The following GABRG3 variants were observed in gnomAD, a reference collection of about 807,000 sequenced individuals.
GABRG3 encodes the protein gamma-aminobutyric acid receptor subunit gamma-3.
GABRG3 carries 25 observed loss-of-function variants against 48.8 expected under a neutral mutation model. The ratio of observed to expected loss-of-function variants is 0.51; its 90% CI spans 0.37 to 0.72. The LOEUF (loss-of-function observed/expected upper bound fraction) is 0.72, where lower values mean the gene tolerates loss of function less well. Ranked by LOEUF, GABRG3 falls within the 30% of genes least tolerant of loss-of-function variation. The pLI, the probability that GABRG3 is intolerant of heterozygous loss-of-function variation, is 0.00. For synonymous variants in GABRG3, 227 were observed against 217.6 expected, an observed-to-expected ratio of 1.04 and a Z score of -0.38; for missense variants, 394 against 577.9, an observed-to-expected ratio of 0.68 and a Z score of 3.26.
intron 3 of GABRG3, among the ~76,000 whole-genome samples, chr15:27,215,194 G>A (rs542022042): frequency 6.6e-6 from 1 of 152,338 alleles, no homozygotes; most frequent in East Asian, 1.9e-4. Context: ...GCAGGGGGAA[G>A]TGAGAACTCT....
intron 5 of GABRG3, among the ~76,000 whole-genome samples, chr15:27,330,015 G>A (rs1893751383): frequency 6.6e-6 from 1 of 152,162 alleles, no homozygotes; most frequent in Admixed American, 6.5e-5. Flanking sequence ...GCCGAGGTGG[G>A]TGGATCCTGA....
intron 3 of GABRG3, among the ~76,000 whole-genome samples, chr15:27,308,818 A>C (rs1325789640): frequency 6.7e-6 from 1 of 150,188 alleles, no homozygotes; most frequent in East Asian, 2.1e-4. Flanking sequence ...AAACACATAT[A>C]GTGTAAACAT....
chr15:27,355,802 A>G (rs1894817412), intron 5 of GABRG3, among the ~76,000 whole-genome samples: 1 of 152,222 alleles, frequency 6.6e-6, no homozygotes, highest in African/African-American at 2.4e-5. Flanking sequence ...AATGGAAGGA[A>G]ATTCAAACAG....
In GABRG3 at chr15:27,432,431, G is replaced by A. The variant is rs942786350; in HGVS notation, c.575-48219G>A. On this transcript the variant is annotated intron_variant, in intron 5 of 9. Coordinates refer to ENST00000615808, the MANE Select transcript of GABRG3 (RefSeq NM_033223.5). ...CTGTCTTTTACATTTGCCCCTCAGA[G>A]AGCCTTTGGTGCTCTTTATTTCTCT... is the stretch of plus-strand genomic sequence containing the variant. Among the ~76,000 whole-genome samples, 17 of 152,148 alleles carry A rather than the reference G, an allele frequency of 1.1e-4. No homozygotes were observed. The East Asian group carries it at 3.1e-3, about 28-fold the overall frequency.
At position 27,352,325 on chromosome 15, in the gene GABRG3, C is replaced by A. The variant is rs1894648604; in HGVS notation, c.574+23437C>A. On this transcript the variant is annotated intron_variant, in intron 5 of 9. Transcript: ENST00000615808. The surrounding 1 kb of genome is among the most constrained non-coding windows in gnomAD (Gnocchi z 4.0). ...AGAGGAAGAGGACCCAGGGAGAGCA[C>A]GATTATCCCCCGCACACTTCAAGGG... Among the ~76,000 whole-genome samples, 1 of 151,896 alleles carries A rather than the reference C, an allele frequency of 6.6e-6. No individual in the cohort carries two copies. Among genetic ancestry groups the A allele is most frequent in the Admixed American group, 6.6e-5 (1 of 15,250 alleles).
At chr15:27,304,239 AG>A (rs764831162) in intron 3 of GABRG3, among the ~76,000 whole-genome samples, 2 of 151,926 alleles carry the variant, frequency 1.3e-5, no homozygotes, top group Non-Finnish European at 2.9e-5. Context: ...GAAAATAAAA[AG>A]TGTACAAATT....
chr15:27,181,419 T>C (rs946072409), intron 3 of GABRG3, among the ~76,000 whole-genome samples: 4 of 152,184 alleles, frequency 2.6e-5, no homozygotes, highest in African/African-American at 7.2e-5. Flanking sequence ...CTAATACAAA[T>C]GGCTGCGGAT....
intron 3 of GABRG3, among the ~76,000 whole-genome samples, chr15:27,215,662 G>A (rs1412136548): frequency 6.6e-6 from 1 of 152,196 alleles, no homozygotes; most frequent in Non-Finnish European, 1.5e-5. Context: ...GAGGCTTGAA[G>A]TCCATTTCTC....
chr15:27,169,654 T>C lies in GABRG3; in HGVS notation c.270+142833T>C, dbSNP rs374319599. Among the ~76,000 whole-genome samples, 44 of 152,180 alleles carry C rather than the reference T, an allele frequency of 2.9e-4. 1 individual carries two copies. Among genetic ancestry groups the C allele is most frequent in the African/African-American group, 1.0e-3 (43 of 41,514 alleles). On this transcript the variant is annotated intron_variant, in intron 3 of 9. Transcript: ENST00000615808. The stretch of plus-strand genomic sequence containing the variant: ...GCCCAGCCTCTTTAGATAGCAGCCC[T>C]CCCGGCCACTCCATCTCGGCAGGCT...
At chr15:27,134,363 A>G (rs1229550738) in intron 3 of GABRG3, among the ~76,000 whole-genome samples, 1 of 152,150 alleles carries the variant, frequency 6.6e-6, no homozygotes, top group East Asian at 1.9e-4. Context: ...TCACCATATT[A>G]AAAGAACCTC....
chr15:27,315,006 A>G (rs1893162557), intron 3 of GABRG3, among the ~76,000 whole-genome samples: 1 of 152,194 alleles, frequency 6.6e-6, no homozygotes. Context: ...GTATTTTACA[A>G]CACTTAAAAA....
intron 3 of GABRG3, among the ~76,000 whole-genome samples, chr15:27,282,821 T>C (rs1260606624): frequency 6.6e-6 from 1 of 152,148 alleles, no homozygotes; most frequent in Non-Finnish European, 1.5e-5. Flanking sequence ...ATCCTGAGTA[T>C]TATGCGATGA....
intron 5 of GABRG3, among the ~76,000 whole-genome samples, chr15:27,384,122 A>G (rs898165595): frequency 2.0e-5 from 3 of 152,238 alleles, no homozygotes; most frequent in African/African-American, 7.2e-5. Flanking sequence ...AAATGCAAAC[A>G]TGTCAGCTCA....
intron 3 of GABRG3, among the ~76,000 whole-genome samples, chr15:27,112,888 A>G (rs928121115): frequency 6.6e-6 from 1 of 152,154 alleles, no homozygotes; most frequent in Admixed American, 6.5e-5. Context: ...TCCCCGTTGT[A>G]TTATATTTAC....
At chr15:27,294,361 T>G (rs1891906216) in intron 3 of GABRG3, among the ~76,000 whole-genome samples, 1 of 151,578 alleles carries the variant, frequency 6.6e-6, no homozygotes, top group Admixed American at 6.6e-5. Context: ...GGACCACAGG[T>G]GTGCACCACC....
At chr15:27,269,024 T>A (rs1309099576) in intron 3 of GABRG3, among the ~76,000 whole-genome samples, 1 of 152,196 alleles carries the variant, frequency 6.6e-6, no homozygotes, top group Non-Finnish European at 1.5e-5. Context: ...TGTTCATTTT[T>A]TGTAGTTATT....
intron 6 of GABRG3, among the ~76,000 whole-genome samples, chr15:27,516,405 C>T (rs1891019612): frequency 1.3e-5 from 2 of 152,200 alleles, no homozygotes; most frequent in East Asian, 3.9e-4. Flanking sequence ...GCCAGATTAC[C>T]TCTGTTATTC....
At chr15:27,070,125 G>C (rs1444937324) in intron 3 of GABRG3, among the ~76,000 whole-genome samples, 1 of 152,224 alleles carries the variant, frequency 6.6e-6, no homozygotes, top group South Asian at 2.1e-4. Context: ...CCTCCCCCAC[G>C]TGAGGACAGG....
At chr15:27,316,249 C>G (rs7495927) in intron 3 of GABRG3, among the ~76,000 whole-genome samples, 5,089 of 151,654 alleles carry the variant, frequency 0.034, 230 homozygotes, top group African/African-American at 0.097. Flanking sequence ...TTAGCCGGGC[C>G]TAGTGGCGGG....
Sources: allele counts gnomAD v4.1 joint callset (sites outside exome capture counted in the v4.1 genomes callset), GRCh38; gene constraint gnomAD v4.1.1; non-coding constraint Gnocchi (gnomAD v3.1); transcripts MANE v1.5; gene names NCBI Gene and HGNC (gene_info 2026-07-23, HGNC 2026-07-21).